XBP1: variants seen among roughly 807,000 people sequenced by gnomAD.
XBP1 encodes X-box binding protein 1.
Under a neutral mutation model 34.6 loss-of-function variants are expected in XBP1, and 18 were observed. The observed-to-expected ratio is 0.52, with a 90% confidence interval of 0.36 to 0.77. The LOEUF is 0.77. Among genes scored for constraint, XBP1 ranks in the 30% least tolerant of loss-of-function variants. The pLI is 0.00. For missense variants in XBP1, 422 were observed against 464.6 expected, an observed-to-expected ratio of 0.91 and a Z score of 0.84; for synonymous variants, 191 against 193.4, an observed-to-expected ratio of 0.99 and a Z score of 0.11.
In XBP1 at chr22:28,800,289, C is replaced by G. The variant is rs935965736; in HGVS notation, c.227+9G>C. On this transcript the variant is annotated intron_variant, in intron 1 of 5. Coordinates refer to ENST00000344347, the Ensembl canonical transcript of XBP1. Reference sequence around the variant, plus strand: ...CAGATCTGGCCCCAGACCCCGGCCCCTCGCCCACCTCCTCAGCGCCTTCTC... The same window carrying G: ...CAGATCTGGCCCCAGACCCCGGCCCGTCGCCCACCTCCTCAGCGCCTTCTC... 6 of 1,552,082 alleles carry G rather than the reference C, an allele frequency of 3.9e-6. No individual in the cohort carries two copies. In the African/African-American group the frequency reaches 5.5e-5, roughly 14 times the overall value.
At chr22:28,799,095 T>G in exon 2 of XBP1, 1 of 1,614,186 alleles carries the variant, frequency 6.2e-7, no homozygotes, top group Non-Finnish European at 8.5e-7. Flanking sequence ...TCCAGCTCAC[T>G]CATTCGAGCC....
chr22:28,795,375 C>G lies in XBP1; in HGVS notation c.931G>C (p.Val311Leu), dbSNP rs774095548. ...AGATTTGAGATACCCAGCTCCGGAA[C>G]GAGGTCATCTTCTACAGGTTCTTCC... is the stretch of plus-strand genomic sequence containing the variant. Residue 311 changes from valine to leucine, a missense_variant, in exon 6 of 6, where the codon GTT (valine) becomes CTT (leucine). Val to Leu is a conservative substitution (Grantham distance 32). This residue lies in a region of XBP1 where 292 missense variants were observed against 339.9 expected (regional missense o/e 0.86). Coordinates refer to ENST00000344347, the Ensembl canonical transcript of XBP1. 2.6e-6 allele frequency: 4 copies of G among 1,552,924 alleles called. No individual in the cohort carries two copies. The South Asian group carries it at 4.7e-5, about 18-fold the overall frequency.
intron 5 of XBP1, 57 bp downstream of exon 5, chr22:28,795,990 C>CA (rs1182109635): frequency 6.2e-7 from 1 of 1,605,218 alleles, no homozygotes; most frequent in African/African-American, 1.3e-5. Flanking sequence ...TGTCAAGCAT[C>CA]AAACAGATGG....
chr22:28,795,503 A>C, exon 6 of XBP1: 1 of 1,614,166 alleles, frequency 6.2e-7, no homozygotes, highest in Non-Finnish European at 8.5e-7. Context: ...CTCAGAGGGT[A>C]TCTCTAAGAC....
intron 3 of XBP1, chr22:28,796,743 G>A (rs556781094): frequency 1.3e-4 from 25 of 186,180 alleles, no homozygotes; most frequent in South Asian, 4.5e-4. Flanking sequence ...TTTTAGTAGC[G>A]TTCAAAATCT....
At chr22:28,800,037 C>T (rs766545934) in intron 1 of XBP1, 2 of 777,890 alleles carry the variant, frequency 2.6e-6, no homozygotes, top group African/African-American at 3.4e-5. Context: ...GTGCCCGCAT[C>T]CCCAGCTCTG....
At chr22:28,796,104 G>A (rs2146264697) in exon 5 of XBP1, 1 of 1,614,120 alleles carries the variant, frequency 6.2e-7, no homozygotes, top group Non-Finnish European at 8.5e-7. Context: ...CTGGAGGGGT[G>A]ACAACTGGGC....
At chr22:28,795,387 C>G (rs1461702976) in exon 6 of XBP1, 1 of 1,555,416 alleles carries the variant, frequency 6.4e-7, no homozygotes, top group Non-Finnish European at 8.7e-7. Context: ...AGGTCATCTT[C>G]TACAGGTTCT....
chr22:28,800,116 C>A (rs2031846774), intron 1 of XBP1, 182 bp downstream of exon 1: 15 of 746,044 alleles, frequency 2.0e-5, no homozygotes, highest in Middle Eastern at 7.2e-4. Context: ...CCCAGCGTGG[C>A]GGATCCGGTC....
chr22:28,799,220 T>C (rs2031816147), intron 1 of XBP1, 67 bp from the exon 2 acceptor site: 42 of 1,260,590 alleles, frequency 3.3e-5, no homozygotes, highest in Non-Finnish European at 4.3e-5. Context: ...ATTTGAAAAC[T>C]TTACCAGCTG....
At position 28,796,196 on chromosome 22, in the gene XBP1, G is replaced by A. The variant is rs200640204; in HGVS notation, c.454-4C>T. The A allele has an allele frequency of 2.6e-6, 4 of 1,539,152 alleles. No individual in the cohort carries two copies. Among genetic ancestry groups the A allele is most frequent in the Admixed American group, 2.2e-5 (1 of 46,036 alleles). ...CCACTGGCCTCACTTCATTCCCCTG[G>A]GAGGAAAGACCAAAGTGAATAAACA... On this transcript the variant is annotated splice_polypyrimidine_tract_variant and splice_region_variant and intron_variant, in intron 3 of 5. Coordinates refer to ENST00000344347, the Ensembl canonical transcript of XBP1.
intron 1 of XBP1, among the ~76,000 whole-genome samples, chr22:28,799,527 T>A (rs543705973): frequency 6.6e-6 from 1 of 152,274 alleles, no homozygotes; most frequent in East Asian, 1.9e-4. Context: ...CTGGCCTCAT[T>A]AATCTAGTGA....
At chr22:28,795,450 G>A (rs887811317) in exon 6 of XBP1, 1 of 1,606,798 alleles carries the variant, frequency 6.2e-7, no homozygotes, top group Non-Finnish European at 8.5e-7. Flanking sequence ...GGGCTGAGAG[G>A]TGCTTCCTCG....
At chr22:28,799,680 C>CT (rs368658147) in intron 1 of XBP1, among the ~76,000 whole-genome samples, 2,697 of 150,202 alleles carry the variant, frequency 0.018, 69 homozygotes, top group African/African-American at 0.053. Context: ...GGAGGAGACA[C>CT]TTTTTTTTTT....
intron 2 of XBP1, among the ~76,000 whole-genome samples, chr22:28,798,699 T>C (rs1004701458): frequency 6.7e-6 from 1 of 148,404 alleles, no homozygotes; most frequent in Admixed American, 6.7e-5. Flanking sequence ...AACCTCCCTC[T>C]CCCAGGTTCA....
At chr22:28,795,168 T>A (rs1239584178), downstream of XBP1, 1 of 1,495,454 alleles carries the variant, frequency 6.7e-7, no homozygotes, top group Non-Finnish European at 8.9e-7. Flanking sequence ...CAGTATTGGA[T>A]CATTCCTTAG....
At chr22:28,794,868 G>C (rs1486756148), downstream of XBP1, 1 of 226,294 alleles carries the variant, frequency 4.4e-6, no homozygotes, top group Admixed American at 5.7e-5. Context: ...TTTGTCTAAT[G>C]ACCCTTACAT....
exon 6 of XBP1, chr22:28,795,649 C>T (rs768039714): frequency 1.0e-5 from 16 of 1,605,486 alleles, no homozygotes; most frequent in Middle Eastern, 1.7e-4. Flanking sequence ...CTGGGAGCTC[C>T]TCCAGGCTGG....
chr22:28,800,176 G>A (rs1335559004), intron 1 of XBP1, 122 bp downstream of exon 1: 1 of 1,211,402 alleles, frequency 8.3e-7, no homozygotes, highest in Non-Finnish European at 1.2e-6. Context: ...CGACCCGCCA[G>A]GCCAAAGGCG....
Sources: gnomAD v4.1 joint callset for allele counts (sites outside exome capture counted in the v4.1 genomes callset) on GRCh38, gnomAD v4.1.1 for gene constraint, gnomAD v4.1.1 regional missense constraint, MANE v1.5 for transcripts, NCBI Gene and HGNC (gene_info 2026-07-23, HGNC 2026-07-21) for gene names.